Variants in NFAT5 observed in about 807,000 individuals in gnomAD.
NFAT5 encodes nuclear factor of activated T-cells 5.
A neutral mutation model predicts 166.5 loss-of-function variants in NFAT5; 31 were observed. The observed-to-expected ratio is 0.19, with a 90% CI of 0.14 to 0.25. The LOEUF (loss-of-function observed/expected upper bound fraction) is 0.25. Among genes scored for constraint, NFAT5 ranks in the 10% least tolerant of loss-of-function variants. The probability of loss-of-function intolerance (pLI) is 1.00; values close to 1 mark genes in which losing one functional copy is unlikely to be tolerated. For missense variants in NFAT5, 1,449 were observed against 1,821.8 expected (o/e 0.80, Z 3.72); for synonymous variants, 612 against 639.7 (o/e 0.96, Z 0.65).
rs1001845519 is a variant in NFAT5, at chr16:69,644,927, A to G, written c.254-2101A>G. 59 of 437,824 alleles carry G rather than the reference A, an allele frequency of 1.3e-4. 1 individual carries two copies. The Admixed American group carries it at 1.4e-3, about 11-fold the overall frequency. 27.1% of individuals were successfully genotyped at this position (437,824 alleles called of 1,614,324 possible). ...TCATGTTTTGTGTGTTCCACTGCAAATATTGCATGCTGCATACTTGTATGC... is the reference window on the plus strand; with the variant it reads ...TCATGTTTTGTGTGTTCCACTGCAAGTATTGCATGCTGCATACTTGTATGC... On this transcript the variant is annotated intron_variant, in intron 3 of 14. Transcript: ENST00000349945.
chr16:69,598,305 G>T (rs1292672053), intron 2 of NFAT5, among the ~76,000 whole-genome samples: 1 of 151,074 alleles, frequency 6.6e-6, no homozygotes, highest in Non-Finnish European at 1.5e-5. Flanking sequence ...TTGAGGCCAG[G>T]AGGTTGAGGC....
intron 2 of NFAT5, among the ~76,000 whole-genome samples, chr16:69,621,168 C>G (rs909346760): frequency 1.3e-5 from 2 of 151,860 alleles, no homozygotes; most frequent in African/African-American, 4.8e-5. Flanking sequence ...ATGGTTTTGT[C>G]CATGAAGTTT....
chr16:69,694,895 G>T lies in NFAT5; in HGVS notation c.4415-241G>T, dbSNP rs184601832. On this transcript the variant is annotated intron_variant, in intron 13 of 14. Coordinates refer to ENST00000349945, the MANE Select transcript of NFAT5 (RefSeq NM_138713.4). ...GGACTTTTGATATTTAAGCAAAGTTGTATTTTTAGACTGCTTAAAGGAAAC... is the reference window on the plus strand; with the variant it reads ...GGACTTTTGATATTTAAGCAAAGTTTTATTTTTAGACTGCTTAAAGGAAAC... Among the ~76,000 whole-genome samples the T allele has an allele frequency of 9.0e-3, 1,368 of 152,288 alleles. 14 individuals are homozygous for T. Among genetic ancestry groups the T allele is most frequent in the Middle Eastern group, 0.085 (25 of 294 alleles).
intron 2 of NFAT5, among the ~76,000 whole-genome samples, chr16:69,591,744 A>G (rs1597367785): frequency 6.6e-6 from 1 of 152,208 alleles, no homozygotes; most frequent in East Asian, 1.9e-4. Context: ...GGCTTGGCAC[A>G]GTAGCTCACA....
chr16:69,645,110 CA>C (rs2035382026), intron 3 of NFAT5, among the ~76,000 whole-genome samples: 3 of 152,012 alleles, frequency 2.0e-5, no homozygotes, highest in Non-Finnish European at 2.9e-5. Context: ...TTTCAAAAGA[CA>C]AGGAAAAAAA....
At chr16:69,605,386 G>T (rs1377944813) in intron 2 of NFAT5, among the ~76,000 whole-genome samples, 1 of 152,170 alleles carries the variant, frequency 6.6e-6, no homozygotes, top group Non-Finnish European at 1.5e-5. Context: ...GTTGCAGTGA[G>T]CCAAGATTGT....
chr16:69,631,091 G>C (rs1019919081), intron 3 of NFAT5, among the ~76,000 whole-genome samples: 1 of 152,158 alleles, frequency 6.6e-6, no homozygotes, highest in Non-Finnish European at 1.5e-5. Flanking sequence ...TAAGTGGACT[G>C]TTTGAAGTTT....
At chr16:69,644,616 T>G (rs2035356677) in intron 3 of NFAT5, among the ~76,000 whole-genome samples, 1 of 152,182 alleles carries the variant, frequency 6.6e-6, no homozygotes, top group Non-Finnish European at 1.5e-5. Flanking sequence ...GTCTGACTGT[T>G]AAATCAGTTG....
chr16:69,605,627 T>C (rs530623549), intron 2 of NFAT5, among the ~76,000 whole-genome samples: 2 of 152,372 alleles, frequency 1.3e-5, no homozygotes, highest in South Asian at 4.1e-4. Context: ...CCTCAGTTTC[T>C]GTGCCCTAGT....
intron 3 of NFAT5, among the ~76,000 whole-genome samples, chr16:69,634,429 T>G (rs1479426437): frequency 6.6e-6 from 1 of 152,164 alleles, no homozygotes; most frequent in Non-Finnish European, 1.5e-5. Flanking sequence ...TAAACTGTAC[T>G]CTTAAAAACT....
intron 3 of NFAT5, among the ~76,000 whole-genome samples, chr16:69,638,955 C>G (rs1289117452): frequency 6.6e-6 from 1 of 152,016 alleles, no homozygotes; most frequent in Non-Finnish European, 1.5e-5. Context: ...GTCTCTGTCT[C>G]TCTCTCTTTT....
intron 3 of NFAT5, among the ~76,000 whole-genome samples, chr16:69,643,247 C>T (rs944521490): frequency 3.3e-5 from 5 of 150,046 alleles, no homozygotes; most frequent in South Asian, 2.1e-4. Flanking sequence ...AATATATAGA[C>T]GGGTCAGAAC....
intron 11 of NFAT5, among the ~76,000 whole-genome samples, chr16:69,689,727 T>C (rs186826613): frequency 6.6e-6 from 1 of 152,266 alleles, no homozygotes; most frequent in East Asian, 1.9e-4. Flanking sequence ...GTATTTTTAG[T>C]AGAGACAGAG....
At chr16:69,569,359 A>C (rs2016300302) in intron 2 of NFAT5, among the ~76,000 whole-genome samples, 1 of 152,050 alleles carries the variant, frequency 6.6e-6, no homozygotes, top group East Asian at 1.9e-4. Context: ...AGAAGAAATA[A>C]TACTTTCTGC....
intron 2 of NFAT5, among the ~76,000 whole-genome samples, chr16:69,579,647 T>C (rs1356802811): frequency 6.6e-6 from 1 of 152,144 alleles, no homozygotes; most frequent in Non-Finnish European, 1.5e-5. Context: ...GAATTAACAC[T>C]ATAAATTCTG....
rs775059289 is a variant in NFAT5 at position 69,693,344 on chromosome 16, A to G, written c.3519A>G (p.Val1173=). 2.5e-6 allele frequency: 4 copies of G among 1,614,216 alleles called. No individual in the cohort carries two copies. Among genetic ancestry groups the G allele is most frequent in the Non-Finnish European group, 3.4e-6 (4 of 1,180,038 alleles). ...TGAATAATCTTCAGACTAACACAGT[A>G]GCCCAAGAAGCATTTTTTGCAGCAC... ...SPMNNLQTNT[V]AQEAFFAAPN... is the part of the protein sequence containing the mutation. Residue 1173 remains valine, a synonymous_variant, in exon 13 of 15, where the codon GTA becomes GTG. Coordinates refer to ENST00000349945, the MANE Select transcript of NFAT5 (RefSeq NM_138713.4).
At chr16:69,674,456 TA>T (rs1371899047) in intron 9 of NFAT5, among the ~76,000 whole-genome samples, 3 of 151,758 alleles carry the variant, frequency 2.0e-5, no homozygotes, top group Non-Finnish European at 2.9e-5. Context: ...AATTACCTAT[TA>T]AAAATATATA....
At chr16:69,604,507 C>G (rs555622142) in intron 2 of NFAT5, among the ~76,000 whole-genome samples, 1 of 152,144 alleles carries the variant, frequency 6.6e-6, no homozygotes, top group African/African-American at 2.4e-5. Context: ...TGACCCTCTC[C>G]CTCCTACCCT....
At chr16:69,593,374 C>G (rs2032590820) in intron 2 of NFAT5, among the ~76,000 whole-genome samples, 1 of 152,128 alleles carries the variant, frequency 6.6e-6, no homozygotes, top group African/African-American at 2.4e-5. Context: ...GGGTCTCACT[C>G]TGTCACCCAG....
Sources: allele counts gnomAD v4.1 joint callset (sites outside exome capture counted in the v4.1 genomes callset), GRCh38; gene constraint gnomAD v4.1.1; transcripts MANE v1.5; gene names NCBI Gene and HGNC (gene_info 2026-07-23, HGNC 2026-07-21).